Variants in CD99 observed in about 807,000 individuals in gnomAD.
CD99 encodes CD99 antigen.
A neutral mutation model predicts 28.4 loss-of-function variants in CD99; 19 were observed. The observed-to-expected ratio is 0.67, with a 90% CI of 0.47 to 0.98. The LOEUF is 0.98. Ranked by LOEUF, CD99 falls within the 50% of genes least tolerant of loss-of-function variation. The pLI is 0.00. For missense variants in CD99, 283 were observed against 248.8 expected (o/e 1.14, Z -0.92); for synonymous variants, 103 against 92.1 (o/e 1.12, Z -0.67).
chrX:2,696,471 G>A (rs1421739609), intron 1 of CD99, among the ~76,000 whole-genome samples: 1 of 152,106 alleles, frequency 6.6e-6, no homozygotes, highest in African/African-American at 2.4e-5. Context: ...TGCGATCTCG[G>A]CTCACTGCAA....
At chrX:2,698,703 A>G (rs2047692975) in intron 1 of CD99, among the ~76,000 whole-genome samples, 1 of 152,134 alleles carries the variant, frequency 6.6e-6, no homozygotes. Flanking sequence ...TTAATCCTAC[A>G]GAGTCCAGGC....
intron 7 of CD99, among the ~76,000 whole-genome samples, chrX:2,725,506 C>G (rs1051910622): frequency 6.6e-6 from 1 of 152,210 alleles, no homozygotes; most frequent in African/African-American, 2.4e-5. Context: ...TCTAACGATA[C>G]AAAACGCATT....
At chrX:2,696,616 T>G (rs2047588702) in intron 1 of CD99, among the ~76,000 whole-genome samples, 1 of 152,140 alleles carries the variant, frequency 6.6e-6, no homozygotes, top group East Asian at 1.9e-4. Flanking sequence ...TTGGCCAGGC[T>G]GGTTTCGAAC....
At chrX:2,698,799 A>AC (rs2047698217) in intron 1 of CD99, among the ~76,000 whole-genome samples, 1 of 151,668 alleles carries the variant, frequency 6.6e-6, no homozygotes, top group Non-Finnish European at 1.5e-5. Flanking sequence ...CTGCTTGACC[A>AC]CCCTCCAGTA....
chrX:2,696,228 T>TG (rs11386358), intron 1 of CD99, among the ~76,000 whole-genome samples: 2,435 of 152,238 alleles, frequency 0.016, 69 homozygotes, highest in African/African-American at 0.054. Context: ...CTGAGTCCTG[T>TG]GTTCCATGTC....
intron 3 of CD99, chrX:2,717,933 T>G: frequency 1.1e-5 from 4 of 369,258 alleles, no homozygotes; most frequent in East Asian, 8.9e-5. Flanking sequence ...TTAGATTTTC[T>G]TCCCTTTTTT....
chrX:2,691,792 T>G (rs779839951), intron 1 of CD99: 4 of 773,316 alleles, frequency 5.2e-6, no homozygotes, highest in Non-Finnish European at 9.6e-6. Context: ...CCCCAGGGTT[T>G]GGGGACCTGC....
At position 2,719,712 on chromosome X, in the gene CD99, A is replaced by G; in HGVS notation, c.193+7A>G. The G allele has an allele frequency of 1.2e-6, 2 of 1,613,026 alleles. No individual in the cohort carries two copies. The highest frequency in any genetic ancestry group is 8.5e-7 in the Non-Finnish European group (1 of 1,179,212). On this transcript the variant is annotated splice_region_variant and intron_variant, in intron 4 of 9. Coordinates refer to ENST00000381192, the MANE Select transcript of CD99 (RefSeq NM_002414.5). ...GTTGTTGATGGAGAAAATGGTGAGT[A>G]TTTTCCTTTAATCTCTTCTGCTGCT...
intron 3 of CD99, among the ~76,000 whole-genome samples, chrX:2,718,369 CTTTT>C (rs750689789): frequency 2.9e-5 from 4 of 136,916 alleles, no homozygotes; most frequent in Non-Finnish European, 3.2e-5. Flanking sequence ...TTCTTTCTTT[CTTTT>C]TTTTTTTTTT....
chrX:2,724,445 TG>T (rs2049168317), intron 7 of CD99, among the ~76,000 whole-genome samples: 1 of 151,776 alleles, frequency 6.6e-6, no homozygotes, highest in African/African-American at 2.4e-5. Flanking sequence ...AAGGGTCCTC[TG>T]AAGCTCACAT....
chrX:2,716,756 C>A (rs2048742500), intron 2 of CD99, among the ~76,000 whole-genome samples: 1 of 152,178 alleles, frequency 6.6e-6, no homozygotes, highest in South Asian at 2.1e-4. Flanking sequence ...ACCACCTACC[C>A]CTTCTTGGCC....
At chrX:2,739,104 A>G (rs1369167108) in intron 9 of CD99, among the ~76,000 whole-genome samples, 1 of 152,058 alleles carries the variant, frequency 6.6e-6, no homozygotes, top group Non-Finnish European at 1.5e-5. Flanking sequence ...CCTGAGCTCA[A>G]GCAACCCTCC....
intron 3 of CD99, chrX:2,719,450 GTC>G: frequency 1.6e-6 from 1 of 622,948 alleles, no homozygotes. Context: ...ATCTGTCTCT[GTC>G]TCTCTGTTTT....
chrX:2,733,578 C>G, intron 8 of CD99: 1 of 565,610 alleles, frequency 1.8e-6, no homozygotes, highest in Non-Finnish European at 3.2e-6. Flanking sequence ...TGCACAGAAG[C>G]TCATTATAGC....
intron 2 of CD99, among the ~76,000 whole-genome samples, chrX:2,716,809 T>C (rs1473248568): frequency 2.6e-5 from 4 of 152,172 alleles, no homozygotes; most frequent in Non-Finnish European, 4.4e-5. Flanking sequence ...GCCCTTAGTC[T>C]TACAGCCTCC....
chrX:2,694,945 T>C (rs1162875698), intron 1 of CD99, among the ~76,000 whole-genome samples: 1 of 152,134 alleles, frequency 6.6e-6, no homozygotes, highest in Non-Finnish European at 1.5e-5. Context: ...GAAATGCAGC[T>C]CATACAATAC....
chrX:2,706,890 G>T (rs57634738), intron 1 of CD99, among the ~76,000 whole-genome samples: 1 of 151,562 alleles, frequency 6.6e-6, no homozygotes, highest in African/African-American at 2.4e-5. Flanking sequence ...GTGCGATCTC[G>T]GCTCACTGCA....
chrX:2,696,722 G>A (rs2047594523), intron 1 of CD99, among the ~76,000 whole-genome samples: 1 of 152,130 alleles, frequency 6.6e-6, no homozygotes, highest in Non-Finnish European at 1.5e-5. Flanking sequence ...TAGCTCACCA[G>A]CATTTCTACT....
chrX:2,726,425 CTG>C (rs1252541200), intron 8 of CD99, 52 bp downstream of exon 8: 14 of 1,186,884 alleles, frequency 1.2e-5, no homozygotes, highest in African/African-American at 6.0e-5. Flanking sequence ...GATTGGAAAA[CTG>C]TGCTTTCTTT....
Sources: allele counts gnomAD v4.1 joint callset (sites outside exome capture counted in the v4.1 genomes callset), GRCh38; gene constraint gnomAD v4.1.1; transcripts MANE v1.5; gene names NCBI Gene and HGNC (gene_info 2026-07-23, HGNC 2026-07-21).